DEPTOR: variants seen among roughly 807,000 people sequenced by gnomAD.
DEPTOR encodes the protein DEP domain containing MTOR interacting protein, also known as DEP domain-containing mTOR-interacting protein.
A neutral mutation model predicts 41.6 loss-of-function variants in DEPTOR; 41 were observed. The ratio of observed to expected loss-of-function variants is 0.98; its 90% CI spans 0.77 to 1.28. The LOEUF is 1.28. Ranked by LOEUF, DEPTOR falls within the 50% of genes most tolerant of loss-of-function variation. The pLI is 0.00. For missense variants in DEPTOR, 514 were observed against 527.9 expected, an observed-to-expected ratio of 0.97 and a Z score of 0.26; for synonymous variants, 195 against 192.3, an observed-to-expected ratio of 1.01 and a Z score of -0.12.
intron 4 of DEPTOR, among the ~76,000 whole-genome samples, chr8:119,971,440 A>G (rs1024253630): frequency 1.5e-4 from 23 of 152,158 alleles, no homozygotes; most frequent in Non-Finnish European, 2.8e-4. Context: ...AGGCTTCAGT[A>G]GGCTTGAAGA....
intron 1 of DEPTOR, among the ~76,000 whole-genome samples, chr8:119,883,132 G>A (rs760675810): frequency 6.6e-6 from 1 of 152,048 alleles, no homozygotes; most frequent in Non-Finnish European, 1.5e-5. Context: ...TATTTGTGAG[G>A]TTGGGTGGGG....
chr8:119,928,777 G>A (rs1828002701), intron 2 of DEPTOR, among the ~76,000 whole-genome samples, 199 bp downstream of exon 2: 1 of 136,130 alleles, frequency 7.3e-6, no homozygotes, highest in South Asian at 2.4e-4. Flanking sequence ...TTTTAGTAGA[G>A]ACCGGGTTTC....
intron 3 of DEPTOR, among the ~76,000 whole-genome samples, chr8:119,946,674 C>T (rs1005926234): frequency 4.6e-5 from 7 of 151,982 alleles, no homozygotes; most frequent in Non-Finnish European, 8.8e-5. Flanking sequence ...GTGGAGGTTG[C>T]GGTGAGCCGA....
intron 3 of DEPTOR, among the ~76,000 whole-genome samples, chr8:119,944,061 C>T (rs1484158485): frequency 1.3e-5 from 2 of 152,208 alleles, no homozygotes; most frequent in East Asian, 1.9e-4. Context: ...AGGATGGTCT[C>T]GGTCTCCTGA....
chr8:120,016,052 G>C lies in DEPTOR; in HGVS notation c.1101+6919G>C, dbSNP rs191438549. ...TTAAAGGTTGCTGGCCTGGCTCTAA[G>C]AGCTGCTTTAAAAACAAAAACTTCC... On this transcript the variant is annotated intron_variant, in intron 8 of 8. Transcript: ENST00000286234. Among the ~76,000 whole-genome samples, 199 of 152,220 alleles carry C rather than the reference G, an allele frequency of 1.3e-3. 2 individuals carry two copies. The highest frequency in any genetic ancestry group is 4.4e-3 in the African/African-American group (182 of 41,534).
chr8:120,020,118 C>T (rs927808665), intron 8 of DEPTOR, among the ~76,000 whole-genome samples: 5 of 152,082 alleles, frequency 3.3e-5, no homozygotes, highest in African/African-American at 1.2e-4. Flanking sequence ...GACAGAGTCT[C>T]ACTCTGTCAC....
chr8:119,977,533 T>C (rs994792478), intron 4 of DEPTOR, among the ~76,000 whole-genome samples: 3 of 152,230 alleles, frequency 2.0e-5, no homozygotes, highest in African/African-American at 7.2e-5. Context: ...CTGTGCTCTC[T>C]CATATGCTTT....
chr8:119,889,857 T>G (rs1275303569), intron 1 of DEPTOR, among the ~76,000 whole-genome samples: 1 of 151,798 alleles, frequency 6.6e-6, no homozygotes, highest in African/African-American at 2.4e-5. Context: ...CTCAGTACAG[T>G]ATGAAGTCTT....
intron 1 of DEPTOR, among the ~76,000 whole-genome samples, chr8:119,913,180 C>G (rs1827766653): frequency 1.3e-5 from 2 of 152,312 alleles, no homozygotes; most frequent in Admixed American, 1.3e-4. Context: ...CTCGGCCTCC[C>G]AAAGTGCTGG....
Position 120,026,280 on chromosome 8 carries a change from T to C in DEPTOR, c.1101+17147T>C, listed in dbSNP as rs537319398. On this transcript the variant is annotated intron_variant, in intron 8 of 8. Coordinates refer to ENST00000286234, the MANE Select transcript of DEPTOR (RefSeq NM_022783.4). ...TGGAAAACTTTCATGGCATTTCTGC[T>C]CACAGCTTGTTGGTTGGAATTGTGT... is the stretch of plus-strand genomic sequence containing the variant. Among the ~76,000 whole-genome samples the C allele has an allele frequency of 5.3e-5, 8 of 152,272 alleles. No individual in the cohort carries two copies. The East Asian group carries it at 1.5e-3, about 29-fold the overall frequency.
intron 4 of DEPTOR, among the ~76,000 whole-genome samples, chr8:120,000,584 T>C (rs1032319798): frequency 1.3e-5 from 2 of 151,928 alleles, no homozygotes; most frequent in African/African-American, 4.8e-5. Context: ...TGCCTCAGCC[T>C]CCCAAATAGC....
intron 1 of DEPTOR, among the ~76,000 whole-genome samples, chr8:119,891,592 C>T (rs1039206562): frequency 9.9e-5 from 15 of 152,188 alleles, no homozygotes; most frequent in Admixed American, 9.8e-4. Context: ...TCATCATGCT[C>T]ACTCCTTCAC....
intron 1 of DEPTOR, among the ~76,000 whole-genome samples, chr8:119,875,703 G>A (rs1489302579): frequency 1.3e-5 from 2 of 152,182 alleles, no homozygotes; most frequent in African/African-American, 4.8e-5. Context: ...GAGGGGTGCA[G>A]GGGAATAGTG....
chr8:119,933,501 A>T (rs1050650836), intron 3 of DEPTOR, among the ~76,000 whole-genome samples: 1 of 97,372 alleles, frequency 1.0e-5, no homozygotes, highest in African/African-American at 4.1e-5. Flanking sequence ...CACACACACA[A>T]TGTTTATTAT....
chr8:119,925,059 G>A (rs893604361), intron 1 of DEPTOR, among the ~76,000 whole-genome samples: 12 of 152,152 alleles, frequency 7.9e-5, no homozygotes, highest in African/African-American at 1.2e-4. Context: ...ATACATGGCC[G>A]TGGGCAAGAA....
intron 1 of DEPTOR, among the ~76,000 whole-genome samples, chr8:119,921,760 G>GTTT (rs1563966294): frequency 1.6e-5 from 2 of 128,524 alleles, no homozygotes; most frequent in African/African-American, 3.5e-5. Flanking sequence ...TTTTTTTTTT[G>GTTT]TTTGTTTGTT....
intron 4 of DEPTOR, among the ~76,000 whole-genome samples, chr8:119,977,148 G>C (rs148635088): frequency 6.6e-6 from 1 of 152,002 alleles, no homozygotes; most frequent in African/African-American, 2.4e-5. Context: ...TTACAGGCAC[G>C]TGCCACCACA....
intron 8 of DEPTOR, among the ~76,000 whole-genome samples, chr8:120,017,864 C>T (rs1812636906): frequency 6.6e-6 from 1 of 152,192 alleles, no homozygotes; most frequent in Non-Finnish European, 1.5e-5. Flanking sequence ...TTTCAAGCCT[C>T]CTGGCTTCTT....
intron 8 of DEPTOR, among the ~76,000 whole-genome samples, chr8:120,020,378 G>C (rs1213324443): frequency 1.3e-5 from 2 of 152,104 alleles, no homozygotes; most frequent in Non-Finnish European, 2.9e-5. Flanking sequence ...ACCACACCCA[G>C]CTTGTTTTGT....
Sources: gnomAD v4.1 joint callset for allele counts (sites outside exome capture counted in the v4.1 genomes callset) on GRCh38, gnomAD v4.1.1 for gene constraint, MANE v1.5 for transcripts, NCBI Gene and HGNC (gene_info 2026-07-23, HGNC 2026-07-21) for gene names.